Variants in MYO10 observed in about 807,000 individuals in gnomAD.
The protein encoded by MYO10 is myosin X, also known as unconventional myosin-X.
In MYO10, 133 loss-of-function variants were observed where a neutral mutation model predicts 257.3. That is an observed-to-expected ratio of 0.52 (90% confidence interval 0.45 to 0.60). The LOEUF (loss-of-function observed/expected upper bound fraction) is 0.60. Among genes scored for constraint, MYO10 ranks in the 20% least tolerant of loss-of-function variants. MYO10 has a pLI of 0.00. For missense variants in MYO10, 2,399 were observed against 2,635.7 expected (o/e 0.91, Z 1.97); for synonymous variants, 1,104 against 1,028.6 (o/e 1.07, Z -1.40).
chr5:16,817,387 C>T (rs755749008), intron 3 of MYO10, among the ~76,000 whole-genome samples: 2 of 152,126 alleles, frequency 1.3e-5, no homozygotes, highest in Non-Finnish European at 2.9e-5. Context: ...TGTACTTTCA[C>T]GTCAAAAATT....
chr5:16,843,949 T>A (rs1436873393), intron 2 of MYO10, among the ~76,000 whole-genome samples: 1 of 152,194 alleles, frequency 6.6e-6, no homozygotes, highest in Non-Finnish European at 1.5e-5. Context: ...CTTCAAATAC[T>A]TAACTCATAT....
chr5:16,885,040 G>A (rs1744858269), intron 1 of MYO10, among the ~76,000 whole-genome samples: 1 of 152,074 alleles, frequency 6.6e-6, no homozygotes, highest in African/African-American at 2.4e-5. Flanking sequence ...CCTAATTTCT[G>A]GTATCATTAA....
At chr5:16,681,266 T>G in intron 32 of MYO10, 43 bp downstream of exon 32, 1 of 1,565,046 alleles carries the variant, frequency 6.4e-7, no homozygotes, top group South Asian at 1.2e-5. Flanking sequence ...AAGCCCAGAC[T>G]TTAAGATTTG....
intron 2 of MYO10, among the ~76,000 whole-genome samples, chr5:16,850,305 C>T (rs144030792): frequency 4.6e-5 from 7 of 152,220 alleles, no homozygotes; most frequent in African/African-American, 1.7e-4. Context: ...GATGGAGTCT[C>T]ACTCTGTTGT....
intron 21 of MYO10, among the ~76,000 whole-genome samples, chr5:16,707,526 A>G (rs1038021049): frequency 1.3e-5 from 2 of 152,180 alleles, no homozygotes; most frequent in Non-Finnish European, 2.9e-5. Flanking sequence ...CCTGTGGGTT[A>G]TTCTAGTACA....
chr5:16,686,916 T>C (rs148338207), intron 28 of MYO10, among the ~76,000 whole-genome samples: 5 of 152,038 alleles, frequency 3.3e-5, no homozygotes, highest in African/African-American at 9.7e-5. Flanking sequence ...CACAGGAGAG[T>C]TGGAAATGAA....
At chr5:16,762,148 A>C (rs1429456244) in intron 15 of MYO10, 35 bp from the exon 16 acceptor site, 2 of 1,390,538 alleles carry the variant, frequency 1.4e-6, no homozygotes, top group African/African-American at 1.5e-5. Context: ...AAAAAAATAC[A>C]ATGCCTTATT....
rs187874684 is a variant in MYO10 at position 16,687,181 on chromosome 5, T to C, written c.3897-1350A>G. Among the ~76,000 whole-genome samples, 80 of 151,724 alleles carry C rather than the reference T, an allele frequency of 5.3e-4. 1 individual carries two copies. The East Asian group carries it at 0.014, about 26-fold the overall frequency. On this transcript the variant is annotated intron_variant, in intron 28 of 40. Coordinates refer to ENST00000513610, the MANE Select transcript of MYO10 (RefSeq NM_012334.3). ...TACGAAAAATAAAAAATTAGCTGGGTGTAGTGGTACATGCTTATAGTCCCA... is the reference window on the plus strand; with the variant it reads ...TACGAAAAATAAAAAATTAGCTGGGCGTAGTGGTACATGCTTATAGTCCCA...
intron 1 of MYO10, among the ~76,000 whole-genome samples, chr5:16,912,080 C>T (rs182060182): frequency 2.9e-4 from 44 of 150,592 alleles, no homozygotes; most frequent in Non-Finnish European, 5.0e-4. Context: ...TGTTTTTAAG[C>T]TCATCAGTCG....
intron 3 of MYO10, among the ~76,000 whole-genome samples, chr5:16,810,728 T>A (rs1270871411): frequency 2.0e-5 from 3 of 152,010 alleles, no homozygotes. Flanking sequence ...AGAACTATGA[T>A]CACACCATTG....
At chr5:16,750,504 G>A (rs1042780450) in intron 19 of MYO10, among the ~76,000 whole-genome samples, 1 of 152,092 alleles carries the variant, frequency 6.6e-6, no homozygotes, top group Non-Finnish European at 1.5e-5. Flanking sequence ...ACTTGGCAAG[G>A]AGGAGAGGCA....
At chr5:16,929,599 T>G (rs2562351) in intron 1 of MYO10, among the ~76,000 whole-genome samples, 65,581 of 151,898 alleles carry the variant, frequency 0.43, 14,550 homozygotes, top group African/African-American at 0.52. Context: ...GGATTGGGTA[T>G]AATTATAGAG....
chr5:16,744,631 A>G (rs961774962), intron 19 of MYO10, among the ~76,000 whole-genome samples: 1 of 151,700 alleles, frequency 6.6e-6, no homozygotes, highest in South Asian at 2.1e-4. Flanking sequence ...GCGGGTAACT[A>G]AGCAGGCTTG....
At chr5:16,895,141 T>C (rs188385050) in intron 1 of MYO10, among the ~76,000 whole-genome samples, 1 of 152,378 alleles carries the variant, frequency 6.6e-6, no homozygotes, top group African/African-American at 2.4e-5. Context: ...TTTCAAATTA[T>C]GTTTTAAAAG....
At chr5:16,732,345 T>A (rs907676971) in intron 19 of MYO10, among the ~76,000 whole-genome samples, 8 of 152,124 alleles carry the variant, frequency 5.3e-5, no homozygotes, top group Admixed American at 5.2e-4. Context: ...ACAAATCCCA[T>A]CTGGAAATCC....
chr5:16,804,130 C>A (rs1742200864), intron 3 of MYO10, among the ~76,000 whole-genome samples: 1 of 152,222 alleles, frequency 6.6e-6, no homozygotes, highest in Non-Finnish European at 1.5e-5. Context: ...ATCACCCATC[C>A]ACCCACAGGG....
At chr5:16,761,650 T>G (rs756400342) in intron 16 of MYO10, 104 bp from the exon 17 acceptor site, 2 of 854,772 alleles carry the variant, frequency 2.3e-6, no homozygotes, top group Non-Finnish European at 3.7e-6. Context: ...TCCAAGAAAT[T>G]TATTTATTTA....
At chr5:16,671,385 G>T in intron 38 of MYO10, 37 bp downstream of exon 38, 2 of 1,610,206 alleles carry the variant, frequency 1.2e-6, no homozygotes, top group Non-Finnish European at 1.7e-6. Context: ...ACCCTTGCTT[G>T]CCGGCAAAGA....
chr5:16,701,584 C>T lies in MYO10; in HGVS notation c.2811G>A (p.Ala937=), dbSNP rs539740411. ...TGAGGGACTCGAGGAACTCCTGGGCCGCCCTGCACGCTTCCTCCTCCAGCC... is the reference window on the plus strand; with the variant it reads ...TGAGGGACTCGAGGAACTCCTGGGCTGCCCTGCACGCTTCCTCCTCCAGCC... ...LRRLEEEACR[A]AQEFLESLNF... Residue 937 remains alanine (A), a synonymous_variant, in exon 25 of 41, where the codon GCG becomes GCA. Coordinates refer to ENST00000513610, the MANE Select transcript of MYO10 (RefSeq NM_012334.3). This position sits in a 1 kb window ranked among gnomAD's most constrained non-coding sequence, Gnocchi z 8.1. The T allele has an allele frequency of 8.7e-6, 14 of 1,613,768 alleles. No individual in the cohort carries two copies. In the East Asian group the frequency reaches 1.8e-4, roughly 21 times the overall value.
Sources: gnomAD v4.1 joint callset for allele counts (sites outside exome capture counted in the v4.1 genomes callset) on GRCh38, gnomAD v4.1.1 for gene constraint, Gnocchi (gnomAD v3.1) non-coding constraint, MANE v1.5 for transcripts, NCBI Gene and HGNC (gene_info 2026-07-23, HGNC 2026-07-21) for gene names.